The following PLCB1 variants were observed in gnomAD, a reference collection of about 807,000 sequenced individuals.
The protein encoded by PLCB1 is phospholipase C beta 1, also known as 1-phosphatidylinositol 4,5-bisphosphate phosphodiesterase beta-1.
Under a neutral mutation model 161.8 loss-of-function variants are expected in PLCB1, and 46 were observed. The ratio of observed to expected loss-of-function variants is 0.28; its 90% CI spans 0.22 to 0.36. The LOEUF is 0.36. PLCB1 is among the 10% of genes least tolerant of loss of function. The probability of loss-of-function intolerance (pLI) is 1.00; values close to 1 mark genes in which losing one functional copy is unlikely to be tolerated. For synonymous variants in PLCB1, 517 were observed against 503.7 expected (o/e 1.03, Z -0.35); for missense variants, 1,016 against 1,472.5 (o/e 0.69, Z 5.07).
chr20:8,477,386 A>G (rs1172524520), intron 3 of PLCB1, among the ~76,000 whole-genome samples: 1 of 152,142 alleles, frequency 6.6e-6, no homozygotes, highest in Non-Finnish European at 1.5e-5. Flanking sequence ...AGACATAAGA[A>G]CCCATCCAAT....
At chr20:8,699,276 G>A (rs1432951771) in intron 11 of PLCB1, among the ~76,000 whole-genome samples, 1 of 152,186 alleles carries the variant, frequency 6.6e-6, no homozygotes, top group Non-Finnish European at 1.5e-5. Context: ...AAGTAATTAA[G>A]GTGAGTGGAG....
Position 8,180,159 on chromosome 20 carries a change from G to T in PLCB1, c.177+29788G>T, listed in dbSNP as rs552131710. ...AGGCGTGAGCCACCGCGCCCGGCCT[G>T]TTGAGGGCTTTTAACGTGAAGTGAT... On this transcript the variant is annotated intron_variant, in intron 2 of 31. Transcript: ENST00000338037. 3.3e-3 allele frequency among the ~76,000 whole-genome samples: 497 copies of T among 152,274 alleles called. 1 individual carries two copies. Among genetic ancestry groups the T allele is most frequent in the African/African-American group, 0.012 (486 of 41,564 alleles).
At chr20:8,221,787 A>C (rs1979424895) in intron 2 of PLCB1, among the ~76,000 whole-genome samples, 2 of 148,948 alleles carry the variant, frequency 1.3e-5, no homozygotes, top group Non-Finnish European at 2.9e-5. Context: ...AAATTTACAC[A>C]GAGTTTCAAT....
intron 26 of PLCB1, among the ~76,000 whole-genome samples, chr20:8,767,501 GCTCAGGGCC>G (rs1242264709): frequency 6.6e-6 from 1 of 152,114 alleles, no homozygotes; most frequent in Non-Finnish European, 1.5e-5. Flanking sequence ...GATTCTCTGG[GCTCAGGGCC>G]CTTCTTCAAT....
At chr20:8,344,133 G>A (rs1450343347) in intron 2 of PLCB1, among the ~76,000 whole-genome samples, 1 of 152,182 alleles carries the variant, frequency 6.6e-6, no homozygotes, top group Non-Finnish European at 1.5e-5. Flanking sequence ...AGGATTATTT[G>A]TTGTTGCTGA....
intron 1 of PLCB1, 54 bp from the exon 2 acceptor site, chr20:8,150,240 A>G: frequency 1.3e-6 from 1 of 757,226 alleles, no homozygotes; most frequent in African/African-American, 1.8e-5. Context: ...ACTCCTGGAT[A>G]GATTTTTCTA....
chr20:8,299,378 T>C (rs1332811493), intron 2 of PLCB1, among the ~76,000 whole-genome samples: 1 of 152,074 alleles, frequency 6.6e-6, no homozygotes, highest in Non-Finnish European at 1.5e-5. Context: ...TGCCTTGGAA[T>C]ACAAGTAACC....
At chr20:8,402,237 T>C (rs1206179405) in intron 3 of PLCB1, among the ~76,000 whole-genome samples, 2 of 152,200 alleles carry the variant, frequency 1.3e-5, no homozygotes, top group African/African-American at 4.8e-5. Flanking sequence ...GTATTTTTTA[T>C]TGGTATTTCT....
intron 2 of PLCB1, among the ~76,000 whole-genome samples, chr20:8,207,659 C>T (rs1406229367): frequency 6.6e-6 from 1 of 152,142 alleles, no homozygotes; most frequent in African/African-American, 2.4e-5. Context: ...CAGGTCACTG[C>T]AGCCTCAAAC....
intron 2 of PLCB1, among the ~76,000 whole-genome samples, chr20:8,255,151 T>A (rs1044638500): frequency 6.6e-6 from 1 of 152,112 alleles, no homozygotes; most frequent in African/African-American, 2.4e-5. Context: ...TTTTTCAAAC[T>A]AGTGGTCTTG....
At chr20:8,655,871 A>G (rs1470702715) in intron 7 of PLCB1, among the ~76,000 whole-genome samples, 1 of 152,040 alleles carries the variant, frequency 6.6e-6, no homozygotes, top group African/African-American at 2.4e-5. Context: ...AAAACCATTT[A>G]CAGAGCTCCT....
chr20:8,737,903 AC>A (rs1172230755), intron 20 of PLCB1, among the ~76,000 whole-genome samples: 3 of 152,236 alleles, frequency 2.0e-5, no homozygotes, highest in Non-Finnish European at 2.9e-5. Context: ...TATACTGTTT[AC>A]TTCTTACAGT....
intron 9 of PLCB1, among the ~76,000 whole-genome samples, chr20:8,673,453 G>A (rs1282462657): frequency 6.6e-6 from 1 of 152,180 alleles, no homozygotes; most frequent in Non-Finnish European, 1.5e-5. Context: ...CAGAGGTAGG[G>A]TGTAAGGATA....
At chr20:8,559,636 C>A (rs1248803365) in intron 3 of PLCB1, among the ~76,000 whole-genome samples, 2 of 151,930 alleles carry the variant, frequency 1.3e-5, no homozygotes, top group East Asian at 3.9e-4. Context: ...AGATTTCATT[C>A]AAATTCTAAA....
At chr20:8,776,518 A>G (rs77847823) in intron 27 of PLCB1, among the ~76,000 whole-genome samples, 3,230 of 152,290 alleles carry the variant, frequency 0.021, 75 homozygotes, top group African/African-American at 0.067. Flanking sequence ...CTCTTTAAAC[A>G]GCTTTATTTC....
rs1987577537 is a variant in PLCB1, at chr20:8,601,242, CA to C, written c.247-27051del. On this transcript the variant is annotated intron_variant, in intron 3 of 31. Coordinates refer to ENST00000338037, the MANE Select transcript of PLCB1 (RefSeq NM_015192.4). ...GTGTTTTTAACATTTATTTTAAGTT[CA>C]GGGGTATATGCGCAGGTTTGTTACA... Among the ~76,000 whole-genome samples the C allele has an allele frequency of 2.0e-5, 3 of 152,238 alleles. No individual in the cohort carries two copies. The South Asian group carries it at 6.2e-4, about 32-fold the overall frequency.
intron 31 of PLCB1, among the ~76,000 whole-genome samples, chr20:8,869,364 G>T (rs146112462): frequency 1.2e-3 from 179 of 152,204 alleles, no homozygotes; most frequent in African/African-American, 4.0e-3. Flanking sequence ...GGCCTTAATC[G>T]CAGGCCCCAT....
At chr20:8,831,912 CTCTTTCTTTCTTTCTTTCTT>C (rs1188505689) in intron 31 of PLCB1, among the ~76,000 whole-genome samples, 4,865 of 58,378 alleles carry the variant, frequency 0.083, 476 homozygotes, top group East Asian at 0.15. Context: ...CTCTTTCTTT[CTCTTTCTTTCTTTCTTTCTT>C]TCTTTCTTTC....
chr20:8,463,961 A>T (rs1277263065), intron 3 of PLCB1, among the ~76,000 whole-genome samples: 1 of 151,990 alleles, frequency 6.6e-6, no homozygotes, highest in Non-Finnish European at 1.5e-5. Flanking sequence ...TTCTGACTGT[A>T]GTTGGTTCTG....
Sources: allele counts gnomAD v4.1 joint callset (sites outside exome capture counted in the v4.1 genomes callset), GRCh38; gene constraint gnomAD v4.1.1; transcripts MANE v1.5; gene names NCBI Gene and HGNC (gene_info 2026-07-23, HGNC 2026-07-21).